The following SPDYE17 variants were observed in gnomAD, a reference collection of about 807,000 sequenced individuals.
SPDYE17 encodes the protein speedy/RINGO cell cycle regulator family member E17, also known as speedy protein E17.
For synonymous variants in SPDYE17, 4 were observed against 14.8 expected, an observed-to-expected ratio of 0.27 and a Z score of 1.68; for missense variants, 7 against 38.0, an observed-to-expected ratio of 0.18 and a Z score of 2.15.
Position 77,023,027 on chromosome 7 carries a change from GT to G in SPDYE17, c.*805del, listed in dbSNP as rs1789393827. Among the ~76,000 whole-genome samples, 1 of 98,894 alleles carries G rather than the reference GT, an allele frequency of 1.0e-5. No individual in the cohort carries two copies. 64.9% of individuals were successfully genotyped at this position (98,894 alleles called of 152,430 possible). A position where few individuals can be genotyped will look rare whatever the true frequency, so the allele number is the denominator to read the frequency against. ...TAAAAATTTCTATCACCAGAATTATGTTTTTTTCTGGTGGGGAACTACCAAT... is the reference window on the plus strand; with the variant it reads ...TAAAAATTTCTATCACCAGAATTATGTTTTTTCTGGTGGGGAACTACCAAT... On this transcript the variant is annotated 3_prime_UTR_variant, in exon 8 of 8. Coordinates refer to ENST00000671986, the MANE Select transcript of SPDYE17 (RefSeq NM_001351351.3).
intron 5 of SPDYE17, chr7:77,025,599 G>C (rs899941561): frequency 1.6e-5 from 2 of 123,044 alleles, no homozygotes; most frequent in Non-Finnish European, 3.3e-5. Context: ...ACAAAAATCA[G>C]CCTGGTGCGG....
chr7:77,026,578 C>T (rs1401109556), intron 5 of SPDYE17, among the ~76,000 whole-genome samples: 5 of 149,488 alleles, frequency 3.3e-5, no homozygotes, highest in African/African-American at 7.4e-5. Flanking sequence ...CAACCGGAAA[C>T]GTCTGCTTGC....
rs1485292863 is a variant in SPDYE17, at chr7:77,032,287, A to G, written c.-501T>C. Among the ~76,000 whole-genome samples, 1 of 129,426 alleles carries G rather than the reference A, an allele frequency of 7.7e-6. No homozygotes were observed. The highest frequency in any genetic ancestry group is 1.6e-5 in the Non-Finnish European group (1 of 62,632). 84.9% of individuals were successfully genotyped at this position (129,426 alleles called of 152,430 possible). On this transcript the variant is annotated 5_prime_UTR_variant, in exon 1 of 8. Transcript: ENST00000671986. ...CTTCCTAACGGGCTGCGGCTCTCCT[A>G]GGAGTCTCTCGCTCATGGGAAAGGC... is the stretch of plus-strand genomic sequence containing the variant.
chr7:77,022,811 T>G lies in SPDYE17; in HGVS notation c.*1022A>C, dbSNP rs1173211636. ...AATAATATTTAAAGTAATAATAATATTTAAATAAATAAATATATTTAATAA... is the reference window on the plus strand; with the variant it reads ...AATAATATTTAAAGTAATAATAATAGTTAAATAAATAAATATATTTAATAA... On this transcript the variant is annotated 3_prime_UTR_variant, in exon 8 of 8. Transcript: ENST00000671986. Among the ~76,000 whole-genome samples, 1 of 120,324 alleles carries G rather than the reference T, an allele frequency of 8.3e-6. No individual in the cohort carries two copies. Among genetic ancestry groups the G allele is most frequent in the African/African-American group, 2.8e-5 (1 of 36,248 alleles). The allele number at this position is 120,324 out of a possible 152,430, so 78.9% of individuals were successfully genotyped here. A position where few individuals can be genotyped will look rare whatever the true frequency, so the allele number is the denominator to read the frequency against.
At position 77,028,276 on chromosome 7, in the gene SPDYE17, G is replaced by A; in HGVS notation, c.350-76C>T. 4 of 1,060,366 alleles carry A rather than the reference G, an allele frequency of 3.8e-6. 1 individual carries two copies. The highest frequency in any genetic ancestry group is 5.1e-6 in the Non-Finnish European group (4 of 786,850). The allele number at this position is 1,060,366 out of a possible 1,614,324, so 65.7% of individuals were successfully genotyped here. ...GAGAGCAGCAGGGCAGCGAGGAGAA[G>A]TGTGCCTCCCGGGGGAAAGTCTCAG... On this transcript the variant is annotated intron_variant, in intron 3 of 7. Coordinates refer to ENST00000671986, the MANE Select transcript of SPDYE17 (RefSeq NM_001351351.3).
Position 77,028,141 on chromosome 7 carries a change from C to A in SPDYE17, c.408+1G>T. ...CACAGTTACATAGAGAACAACCTTA[C>A]CTTGTCCGACACCCTCAGATCTTTG... On this transcript the variant is annotated splice_donor_variant, in intron 4 of 7. Transcript: ENST00000671986. LOFTEE classifies it high-confidence loss of function. The A allele has an allele frequency of 1.5e-6, 2 of 1,354,740 alleles. 1 individual carries two copies. Among genetic ancestry groups the A allele is most frequent in the East Asian group, 8.1e-5 (2 of 24,802 alleles). The allele number at this position is 1,354,740 out of a possible 1,614,324, so 83.9% of individuals were successfully genotyped here.
chr7:77,022,721 A>AC lies in SPDYE17; in HGVS notation c.*1111dup, dbSNP rs935162229. Among the ~76,000 whole-genome samples the AC allele has an allele frequency of 4.7e-5, 6 of 126,354 alleles. No individual in the cohort carries two copies. Among genetic ancestry groups the AC allele is most frequent in the African/African-American group, 1.6e-4 (6 of 37,984 alleles). 82.9% of individuals were successfully genotyped at this position (126,354 alleles called of 152,430 possible). A position where few individuals can be genotyped will look rare whatever the true frequency, so the allele number is the denominator to read the frequency against. On this transcript the variant is annotated 3_prime_UTR_variant, in exon 8 of 8. Transcript: ENST00000671986. Reference sequence around the variant, plus strand: ...TGTATGTGTATACAACAGTTATAACACCCATCACACAGCTTTATAGAAACA... The same window carrying AC: ...TGTATGTGTATACAACAGTTATAACACCCCATCACACAGCTTTATAGAAACA...
At chr7:77,025,578 A>G (rs200944075) in intron 5 of SPDYE17, 1 of 114,870 alleles carries the variant, frequency 8.7e-6, no homozygotes, top group Non-Finnish European at 1.8e-5. Flanking sequence ...AACCCCATCT[A>G]TACTAAAAAT....
chr7:77,026,057 G>A (rs1421973153), intron 5 of SPDYE17, among the ~76,000 whole-genome samples: 2 of 129,682 alleles, frequency 1.5e-5, no homozygotes, highest in Non-Finnish European at 3.2e-5. Context: ...ATAATAGGAT[G>A]TAACTGGAGA....
intron 5 of SPDYE17, among the ~76,000 whole-genome samples, chr7:77,026,289 A>G (rs200447880): frequency 0.23 from 30,835 of 136,344 alleles, 1,065 homozygotes; most frequent in Middle Eastern, 0.25. Flanking sequence ...GAGATTGTAG[A>G]GAGGGTGGAA....
chr7:77,029,786 A>C (rs1456337186), intron 2 of SPDYE17, among the ~76,000 whole-genome samples: 1 of 118,844 alleles, frequency 8.4e-6, no homozygotes, highest in Non-Finnish European at 1.7e-5. Context: ...AGCTCACTGC[A>C]ACATCCATCT....
Position 77,023,692 on chromosome 7 carries a change from C to T in SPDYE17, c.*141G>A. The T allele has an allele frequency of 3.9e-6, 2 of 508,946 alleles. 1 individual carries two copies. Among genetic ancestry groups the T allele is most frequent in the Non-Finnish European group, 4.9e-6 (2 of 404,556 alleles). The allele number at this position is 508,946 out of a possible 1,614,324, so 31.5% of individuals were successfully genotyped here. A position where few individuals can be genotyped will look rare whatever the true frequency, so the allele number is the denominator to read the frequency against. On this transcript the variant is annotated 3_prime_UTR_variant, in exon 8 of 8. Coordinates refer to ENST00000671986, the MANE Select transcript of SPDYE17 (RefSeq NM_001351351.3). ...AATGGTCCAGGTTCTTCTAGATGAT[C>T]TGCACAAATGGTTCCTCTCCTCCTT...
At chr7:77,025,940 A>G (rs1789425348) in intron 5 of SPDYE17, among the ~76,000 whole-genome samples, 1 of 142,568 alleles carries the variant, frequency 7.0e-6, no homozygotes, top group African/African-American at 2.6e-5. Flanking sequence ...AAAAAAAAAA[A>G]GCAATTGAAT....
chr7:77,026,525 G>A (rs1160403767), intron 5 of SPDYE17, among the ~76,000 whole-genome samples: 1 of 150,304 alleles, frequency 6.7e-6, no homozygotes, highest in African/African-American at 2.4e-5. Context: ...CCCGGAGGAG[G>A]CTGATGGCTT....
chr7:77,025,764 A>G, intron 5 of SPDYE17: 1 of 137,900 alleles, frequency 7.3e-6, no homozygotes, highest in East Asian at 3.0e-4. Context: ...ATAAATAAAT[A>G]AATAAATAAA....
At chr7:77,025,441 G>C (rs1789415647) in intron 5 of SPDYE17, 1 of 209,608 alleles carries the variant, frequency 4.8e-6, no homozygotes, top group African/African-American at 2.9e-5. Context: ...CAAGACCCTC[G>C]TCTCTATTAA....
At chr7:77,025,734 A>T (rs1355095943) in intron 5 of SPDYE17, 3 of 110,876 alleles carry the variant, frequency 2.7e-5, no homozygotes, top group Non-Finnish European at 5.1e-5. Flanking sequence ...ACACAGCAAC[A>T]CTCTTGTCTT....
rs761251656 is a variant in SPDYE17 at position 77,030,080 on chromosome 7, CT to C, written c.130+360del. On this transcript the variant is annotated intron_variant, in intron 2 of 7. Transcript: ENST00000671986. Reference sequence around the variant, plus strand: ...ACCTCTGACCCTTCTTTTGTTTCTTCTTTTTTTTTTTTTTTTTTTTTGAGAT... The same window carrying C: ...ACCTCTGACCCTTCTTTTGTTTCTTCTTTTTTTTTTTTTTTTTTTTGAGAT... Among the ~76,000 whole-genome samples the C allele has an allele frequency of 9.1e-3, 412 of 45,302 alleles. 18 individuals are homozygous for C. Among genetic ancestry groups the C allele is most frequent in the African/African-American group, 0.062 (298 of 4,836 alleles). 29.7% of individuals were successfully genotyped at this position (45,302 alleles called of 152,430 possible).
chr7:77,026,120 A>G (rs80021772), intron 5 of SPDYE17, among the ~76,000 whole-genome samples: 80,471 of 114,694 alleles, frequency 0.7, 30,738 homozygotes, highest in African/African-American at 0.89. Flanking sequence ...AGAGGCTGTG[A>G]GGTGAACCGA....
Sources: allele counts gnomAD v4.1 joint callset (sites outside exome capture counted in the v4.1 genomes callset), GRCh38; gene constraint gnomAD v4.1.1; transcripts MANE v1.5; gene names NCBI Gene and HGNC (gene_info 2026-07-23, HGNC 2026-07-21).